Variants in PBK observed in about 807,000 individuals in gnomAD.
The protein encoded by PBK is lymphokine-activated killer T-cell-originated protein kinase.
A neutral mutation model predicts 33.5 loss-of-function variants in PBK; 22 were observed. That is an observed-to-expected ratio of 0.66 (90% CI 0.47 to 0.94). PBK has a LOEUF of 0.94. PBK is among the 40% of genes least tolerant of loss of function. The pLI is 0.00. For synonymous variants in PBK, 129 were observed against 123.8 expected, an observed-to-expected ratio of 1.04 and a Z score of -0.28; for missense variants, 376 against 383.4, an observed-to-expected ratio of 0.98 and a Z score of 0.16.
At position 27,816,860 on chromosome 8, in the gene PBK, A is replaced by G. The variant is rs563820560; in HGVS notation, c.595+3705T>C. Among the ~76,000 whole-genome samples the G allele has an allele frequency of 9.7e-4, 147 of 152,166 alleles. 2 individuals are homozygous for G. Among genetic ancestry groups the G allele is most frequent in the South Asian group, 5.2e-3 (25 of 4,812 alleles). On this transcript the variant is annotated intron_variant, in intron 6 of 7. Coordinates refer to ENST00000301905, the MANE Select transcript of PBK (RefSeq NM_018492.4). ...ATATAAACCCGTATAATTTATGGATATATGGTATTCTATTGTGTGGTAGTA... is the reference window on the plus strand; with the variant it reads ...ATATAAACCCGTATAATTTATGGATGTATGGTATTCTATTGTGTGGTAGTA...
At chr8:27,822,659 G>GTGTT (rs1359943897) in intron 4 of PBK, among the ~76,000 whole-genome samples, 171 bp from the exon 5 acceptor site, 6 of 152,190 alleles carry the variant, frequency 3.9e-5, no homozygotes, top group African/African-American at 1.4e-4. Context: ...AATGCCTTCA[G>GTGTT]TGTTTGCCAG....
intron 6 of PBK, 22 bp downstream of exon 6, chr8:27,820,543 A>T: frequency 1.4e-6 from 2 of 1,455,670 alleles, no homozygotes; most frequent in Non-Finnish European, 1.9e-6. Flanking sequence ...ACAAAATTTT[A>T]AAACTTAAGA....
In PBK at chr8:27,828,169, G is replaced by A; in HGVS notation, c.88C>T (p.Pro30Ser). The A allele has an allele frequency of 6.3e-7, 1 of 1,575,090 alleles. No individual in the cohort carries two copies. Among genetic ancestry groups the A allele is most frequent in the Non-Finnish European group, 8.7e-7 (1 of 1,147,382 alleles). Reference sequence around the variant, plus strand: ...AGCTTCTGCATAAACGGAGAGGCCGGGATATTTATAGTTGGAGTTGAACAT... The same window carrying A: ...AGCTTCTGCATAAACGGAGAGGCCGAGATATTTATAGTTGGAGTTGAACAT... ...VLCSTPTINI[P>S]ASPFMQKLGF... The change falls in exon 3 of 8, where the codon CCG becomes TCG. Residue 30 changes from proline to serine, a missense_variant. Physicochemically the swap from Pro to Ser is moderately conservative, Grantham distance 74 (BLOSUM62 -1). Transcript: ENST00000301905.
intron 6 of PBK, among the ~76,000 whole-genome samples, chr8:27,813,923 T>TTTA (rs199763458): frequency 1.2e-3 from 134 of 115,428 alleles, no homozygotes; most frequent in African/African-American, 4.8e-3. Context: ...TTCTTATCAG[T>TTTA]TTATTTTTCT....
At position 27,833,041 on chromosome 8, in the gene PBK, C is replaced by G. The variant is rs755347392; in HGVS notation, c.58+15G>C. ...AACAATAGTAAAAAAAAAAATCTTA[C>G]ATCTGCTATCTTACCAGATTTCTTT... On this transcript the variant is annotated intron_variant, in intron 2 of 7. Transcript: ENST00000301905. The G allele has an allele frequency of 5.4e-6, 8 of 1,469,258 alleles. No individual in the cohort carries two copies. The East Asian group carries it at 1.4e-4, about 25-fold the overall frequency. The allele number at this position is 1,469,258 out of a possible 1,614,324, so 91.0% of individuals were successfully genotyped here.
intron 6 of PBK, among the ~76,000 whole-genome samples, chr8:27,816,980 A>G (rs1805830288): frequency 6.6e-6 from 1 of 152,062 alleles, no homozygotes; most frequent in Admixed American, 6.6e-5. Context: ...AAAAAGATTG[A>G]TATTTTTCCC....
chr8:27,811,283 A>C lies in PBK; in HGVS notation c.596-149T>G, dbSNP rs115173552. On this transcript the variant is annotated intron_variant, in intron 6 of 7. Coordinates refer to ENST00000301905, the MANE Select transcript of PBK (RefSeq NM_018492.4). ...TGTAAAAATACACTCAACCTCAATA[A>C]GGATTACTTTCTACCTTTCAGGTTG... 5.7e-5 allele frequency: 38 copies of C among 665,894 alleles called. 1 individual carries two copies. In the African/African-American group the frequency reaches 6.6e-4, roughly 12 times the overall value. The allele number at this position is 665,894 out of a possible 1,614,324, so 41.2% of individuals were successfully genotyped here.
intron 1 of PBK, among the ~76,000 whole-genome samples, chr8:27,833,545 G>A (rs1355679048): frequency 1.3e-5 from 2 of 150,900 alleles, no homozygotes; most frequent in Non-Finnish European, 2.9e-5. Flanking sequence ...TATCGTTCAC[G>A]TTATCACAAA....
intron 2 of PBK, among the ~76,000 whole-genome samples, chr8:27,830,116 T>C (rs539621305): frequency 2.7e-5 from 4 of 150,548 alleles, no homozygotes; most frequent in Non-Finnish European, 5.9e-5. Context: ...GGCAGGATAA[T>C]TGCTTGAACC....
Position 27,822,468 on chromosome 8 carries a change from C to T in PBK, c.316G>A (p.Ala106Thr). ...GCAAGACACAGACTGCCATCATTGG[C>T]TTCAGTAAAAGCACGATAACCTTAA... The part of the protein sequence containing the change: ...NIVGYRAFTE[A>T]NDGSLCLAME... The change falls in exon 5 of 8, where the codon GCC becomes ACC. Residue 106 changes from alanine to threonine, a missense_variant. Coordinates refer to ENST00000301905, the MANE Select transcript of PBK (RefSeq NM_018492.4). The T allele has an allele frequency of 6.2e-7, 1 of 1,606,360 alleles. No homozygotes were observed. Among genetic ancestry groups the T allele is most frequent in the Non-Finnish European group, 8.5e-7 (1 of 1,176,744 alleles).
chr8:27,833,606 C>T (rs1036708469), intron 1 of PBK, among the ~76,000 whole-genome samples: 4 of 151,734 alleles, frequency 2.6e-5, no homozygotes, highest in African/African-American at 9.7e-5. Flanking sequence ...CCCAATTTTA[C>T]TTAAAATGAG....
At chr8:27,819,387 T>A (rs1805876991) in intron 6 of PBK, among the ~76,000 whole-genome samples, 1 of 152,146 alleles carries the variant, frequency 6.6e-6, no homozygotes, top group African/African-American at 2.4e-5. Context: ...TTTGAACATA[T>A]CAAATAGGGT....
In PBK at chr8:27,823,218, T is replaced by C. The variant is rs377215670; in HGVS notation, c.153-13A>G. Reference sequence around the variant, plus strand: ...ACCTCTTGGAGATCTAAGAAAAAAATTCATTTAAAAAGGATAGAAAACAAT... The same window carrying C: ...ACCTCTTGGAGATCTAAGAAAAAAACTCATTTAAAAAGGATAGAAAACAAT... On this transcript the variant is annotated splice_polypyrimidine_tract_variant and intron_variant, in intron 3 of 7. Transcript: ENST00000301905. The C allele has an allele frequency of 6.8e-7, 1 of 1,477,958 alleles. No homozygotes were observed. Among genetic ancestry groups the C allele is most frequent in the Non-Finnish European group, 9.2e-7 (1 of 1,086,206 alleles). 91.6% of individuals were successfully genotyped at this position (1,477,958 alleles called of 1,614,324 possible).
chr8:27,828,982 T>C (rs1432063666), intron 2 of PBK, among the ~76,000 whole-genome samples: 1 of 152,126 alleles, frequency 6.6e-6, no homozygotes, highest in Non-Finnish European at 1.5e-5. Flanking sequence ...AACTTACTGC[T>C]TGAAGGCAGT....
chr8:27,816,343 C>CTTATATATATATATATA (rs1554559818), intron 6 of PBK, among the ~76,000 whole-genome samples: 1 of 136,382 alleles, frequency 7.3e-6, no homozygotes, highest in African/African-American at 2.9e-5. Context: ...TCATCGAATA[C>CTTATATATATATATATA]TATATATATA....
At chr8:27,828,439 A>C (rs566772875) in intron 2 of PBK, among the ~76,000 whole-genome samples, 1 of 152,110 alleles carries the variant, frequency 6.6e-6, no homozygotes, top group Non-Finnish European at 1.5e-5. Flanking sequence ...CCTACAAGCT[A>C]AGAACTGTTT....
At chr8:27,816,343 C>CTTATATATATATATATATATA (rs1554559818) in intron 6 of PBK, among the ~76,000 whole-genome samples, 4 of 136,356 alleles carry the variant, frequency 2.9e-5, no homozygotes, top group African/African-American at 1.2e-4. Flanking sequence ...TCATCGAATA[C>CTTATATATATATATATATATA]TATATATATA....
chr8:27,816,172 G>C (rs578146334), intron 6 of PBK, among the ~76,000 whole-genome samples: 2 of 151,660 alleles, frequency 1.3e-5, no homozygotes, highest in Non-Finnish European at 2.9e-5. Context: ...CTGTCATCTT[G>C]TCTCATTAGT....
chr8:27,820,424 GGA>G (rs751333700), intron 6 of PBK, 139 bp downstream of exon 6: 102 of 576,524 alleles, frequency 1.8e-4, no homozygotes, highest in South Asian at 1.4e-3. Flanking sequence ...AGGCTGACTG[GGA>G]GAGAGAGAAA....
Sources: gnomAD v4.1 joint callset for allele counts (sites outside exome capture counted in the v4.1 genomes callset) on GRCh38, gnomAD v4.1.1 for gene constraint, MANE v1.5 for transcripts, NCBI Gene and HGNC (gene_info 2026-07-23, HGNC 2026-07-21) for gene names.